The following ISL1 variants were observed in gnomAD, a reference collection of about 807,000 sequenced individuals.
The protein encoded by ISL1 is insulin gene enhancer protein ISL-1.
A neutral mutation model predicts 35.3 loss-of-function variants in ISL1; 4 were observed. That is an observed-to-expected ratio of 0.11 (90% confidence interval 0.06 to 0.26). The LOEUF is 0.26. Ranked by LOEUF, ISL1 falls within the 10% of genes least tolerant of loss-of-function variation. The probability of loss-of-function intolerance (pLI) is 1.00; values close to 1 mark genes in which losing one functional copy is unlikely to be tolerated. For missense variants in ISL1, 340 were observed against 472.8 expected (o/e 0.72, Z 2.60); for synonymous variants, 186 against 172.3 (o/e 1.08, Z -0.62).
chr5:51,389,940 G>T lies in ISL1; in HGVS notation c.765+8G>T, dbSNP rs1448739807. On this transcript the variant is annotated splice_region_variant and intron_variant, in intron 4 of 5. Transcript: ENST00000230658. The surrounding 1 kb of genome is among the most constrained non-coding windows in gnomAD (Gnocchi z 5.0). ...CAGCCCAATGACAAAACTGTGAGTGGCTCTGGGGCCGGGCAGGGAATGCGA... is the reference window on the plus strand; with the variant it reads ...CAGCCCAATGACAAAACTGTGAGTGTCTCTGGGGCCGGGCAGGGAATGCGA... The T allele has an allele frequency of 6.2e-7, 1 of 1,612,362 alleles. No homozygotes were observed. Among genetic ancestry groups the T allele is most frequent in the Non-Finnish European group, 8.5e-7 (1 of 1,178,710 alleles).
rs57707586 is a variant in ISL1, at chr5:51,390,642, C to CTTTTTTTTTTT, written c.766-604_766-594dup. On this transcript the variant is annotated intron_variant, in intron 4 of 5. Transcript: ENST00000230658. ...TCCTTTTTTTCTTTTCTTTCTTTTT[C>CTTTTTTTTTTT]TTTTTTTTTTTTTTTTTTTTTTTTT... Among the ~76,000 whole-genome samples, 50 of 40,148 alleles carry CTTTTTTTTTTT rather than the reference C, an allele frequency of 1.2e-3. 1 individual carries two copies. The highest frequency in any genetic ancestry group is 2.0e-3 in the African/African-American group (20 of 9,968). The allele number at this position is 40,148 out of a possible 152,430, so 26.3% of individuals were successfully genotyped here. A position where few individuals can be genotyped will look rare whatever the true frequency, so the allele number is the denominator to read the frequency against.
rs201718508 is a variant in ISL1, at chr5:51,393,598, T to C, written c.1038T>C (p.Pro346=). The C allele has an allele frequency of 9.4e-6, 15 of 1,588,916 alleles. No homozygotes were observed. Among genetic ancestry groups the C allele is most frequent in the Non-Finnish European group, 2.6e-6 (3 of 1,157,152 alleles). Residue 346 remains proline (P), a synonymous_variant, in exon 6 of 6, where the codon CCT becomes CCC. Transcript: ENST00000230658. The part of the protein sequence containing the change: ...PDTPNSMVAS[P]IEA ...CACCTAACAGCATGGTAGCCAGTCC[T>C]ATTGAGGCATGAGGAACATTCATTC...
At chr5:51,390,903 C>T (rs766845460) in intron 4 of ISL1, among the ~76,000 whole-genome samples, 5 of 151,540 alleles carry the variant, frequency 3.3e-5, no homozygotes, top group Non-Finnish European at 5.9e-5. Context: ...AGAAAACCAC[C>T]CTGTCTAGAG....
intron 2 of ISL1, among the ~76,000 whole-genome samples, chr5:51,385,509 T>C (rs1193346191): frequency 6.6e-6 from 1 of 152,164 alleles, no homozygotes; most frequent in Non-Finnish European, 1.5e-5. Flanking sequence ...AATGAGCGAA[T>C]TGTCCAAATT....
chr5:51,391,450 C>G lies in ISL1; in HGVS notation c.933+9C>G, dbSNP rs780254490. The stretch of plus-strand genomic sequence containing the variant: ...CTGCTTTTCAGCAACTGGTAAGTGT[C>G]AGCTCCCAGATGGAAGAGGCTGAAT... On this transcript the variant is annotated intron_variant, in intron 5 of 5. Transcript: ENST00000230658. The G allele has an allele frequency of 1.9e-6, 3 of 1,614,022 alleles. No homozygotes were observed. Among genetic ancestry groups the G allele is most frequent in the Non-Finnish European group, 2.5e-6 (3 of 1,179,952 alleles).
rs1747361520 is a variant in ISL1 at position 51,387,069 on chromosome 5, G to A, written c.219-421G>A. 6.6e-6 allele frequency among the ~76,000 whole-genome samples: 1 copy of A among 152,092 alleles called. No homozygotes were observed. Among genetic ancestry groups the A allele is most frequent in the Non-Finnish European group, 1.5e-5 (1 of 68,030 alleles). The stretch of plus-strand genomic sequence containing the variant: ...GGGAAGTGAAAGTGTTGGTGTCGGT[G>A]GCCACCAGAGTCTTTCTGGATTCCT... On this transcript the variant is annotated intron_variant, in intron 2 of 5. Transcript: ENST00000230658. This position sits in a 1 kb window ranked among gnomAD's most constrained non-coding sequence, Gnocchi z 4.3.
At position 51,393,537 on chromosome 5, in the gene ISL1, G is replaced by A. The variant is rs934058742; in HGVS notation, c.977G>A (p.Ser326Asn). The A allele has an allele frequency of 1.2e-5, 20 of 1,614,008 alleles. No individual in the cohort carries two copies. Among genetic ancestry groups the A allele is most frequent in the Non-Finnish European group, 1.7e-5 (20 of 1,179,884 alleles). The stretch of plus-strand genomic sequence containing the variant: ...GGACCGGGCTCTAATTCCACTGGCA[G>A]TGAAGTAGCATCAATGTCCTCTCAA... Reference protein sequence around the residue: ...EGGPGSNSTGSEVASMSSQLP... With the variant: ...EGGPGSNSTGNEVASMSSQLP... Residue 326 changes from serine (S) to asparagine (N), a missense_variant, in exon 6 of 6, where the codon AGT (serine) becomes AAT (asparagine). Transcript: ENST00000230658.
At position 51,383,625 on chromosome 5, in the gene ISL1, A is replaced by G. The variant is rs3917084; in HGVS notation, c.-47A>G. 42,640 of 1,514,394 alleles carry G rather than the reference A, an allele frequency of 0.028. 739 individuals are homozygous for G. The highest frequency in any genetic ancestry group is 0.034 in the Non-Finnish European group (36,990 of 1,089,180). The allele number at this position is 1,514,394 out of a possible 1,614,324, so 93.8% of individuals were successfully genotyped here. A position where few individuals can be genotyped will look rare whatever the true frequency, so the allele number is the denominator to read the frequency against. On this transcript the variant is annotated 5_prime_UTR_variant, in exon 1 of 6. Transcript: ENST00000230658. ...CATCCTCTCTGTGGGCTGTTCACCAACTGTACAACCACCATTTCACTGTGG... is the reference window on the plus strand; with the variant it reads ...CATCCTCTCTGTGGGCTGTTCACCAGCTGTACAACCACCATTTCACTGTGG...
rs1428073997 is a variant in ISL1 at position 51,389,230 on chromosome 5, T to C, written c.479-416T>C. On this transcript the variant is annotated intron_variant, in intron 3 of 5. Coordinates refer to ENST00000230658, the MANE Select transcript of ISL1 (RefSeq NM_002202.3). The surrounding 1 kb of genome is among the most constrained non-coding windows in gnomAD (Gnocchi z 5.0). ...TGGAGAGGGTGGTAATCAATGTAAC[T>C]GGGGCCCAGTCTGGGCACAAGGAAA... Among the ~76,000 whole-genome samples the C allele has an allele frequency of 6.6e-6, 1 of 151,962 alleles. No individual in the cohort carries two copies. The highest frequency in any genetic ancestry group is 1.5e-5 in the Non-Finnish European group (1 of 67,996).
rs1218961022 is a variant in ISL1 at position 51,393,877 on chromosome 5, A to G, written c.*267A>G. 4 of 482,690 alleles carry G rather than the reference A, an allele frequency of 8.3e-6. No homozygotes were observed. The highest frequency in any genetic ancestry group is 1.1e-5 in the Non-Finnish European group (3 of 267,690). The allele number at this position is 482,690 out of a possible 1,614,324, so 29.9% of individuals were successfully genotyped here. On this transcript the variant is annotated 3_prime_UTR_variant, in exon 6 of 6. Transcript: ENST00000230658. ...TCAATGATCTTAGAAGTACTGAAAAAAAAAGACGTTTTTAAAACGTAGAGG... is the reference window on the plus strand; with the variant it reads ...TCAATGATCTTAGAAGTACTGAAAAGAAAAGACGTTTTTAAAACGTAGAGG...
chr5:51,384,251 G>T lies in ISL1; in HGVS notation c.29-290G>T, dbSNP rs189683792. 1.5e-3 allele frequency among the ~76,000 whole-genome samples: 212 copies of T among 144,910 alleles called. 6 individuals carry two copies. Among genetic ancestry groups the T allele is most frequent in the African/African-American group, 5.3e-3 (210 of 39,344 alleles). ...GATTATAGCAAAGAGGAAGGGGGGG[G>T]GGAGAAATACAAAATGAGCGGGTTT... On this transcript the variant is annotated intron_variant, in intron 1 of 5. Coordinates refer to ENST00000230658, the MANE Select transcript of ISL1 (RefSeq NM_002202.3).
rs1747369107 is a variant in ISL1, at chr5:51,387,375, T to C, written c.219-115T>C. ...ACTTCTGTTTGGAAATGCTGTTTACTTGGGGCGTCTTGCCCGGGATCTTGG... is the reference window on the plus strand; with the variant it reads ...ACTTCTGTTTGGAAATGCTGTTTACCTGGGGCGTCTTGCCCGGGATCTTGG... On this transcript the variant is annotated intron_variant, in intron 2 of 5. Transcript: ENST00000230658. This position sits in a 1 kb window ranked among gnomAD's most constrained non-coding sequence, Gnocchi z 4.3. 3.3e-5 allele frequency: 36 copies of C among 1,103,286 alleles called. No homozygotes were observed. The South Asian group carries it at 4.6e-4, about 14-fold the overall frequency. 68.3% of individuals were successfully genotyped at this position (1,103,286 alleles called of 1,614,324 possible). A position where few individuals can be genotyped will look rare whatever the true frequency, so the allele number is the denominator to read the frequency against.
Position 51,387,499 on chromosome 5 carries a change from G to C in ISL1, c.228G>C (p.Gly76=). 2 of 1,614,066 alleles carry C rather than the reference G, an allele frequency of 1.2e-6. No homozygotes were observed. Among genetic ancestry groups the C allele is most frequent in the Non-Finnish European group, 1.7e-6 (2 of 1,179,984 alleles). Residue 76 remains glycine, a synonymous_variant, in exon 3 of 6, where the codon GGG becomes GGC. Transcript: ENST00000230658. This position sits in a 1 kb window ranked among gnomAD's most constrained non-coding sequence, Gnocchi z 4.3. ...CCCCTCCCCCGCACAGGTTGTACGG[G>C]ATCAAATGCGCCAAGTGCAGCATCG... ...YCKRDYIRLY[G]IKCAKCSIGF... is the part of the protein sequence containing the mutation.
chr5:51,387,831 A>C lies in ISL1; in HGVS notation c.478+82A>C. The C allele has an allele frequency of 6.4e-7, 1 of 1,555,244 alleles. No individual in the cohort carries two copies. Among genetic ancestry groups the C allele is most frequent in the South Asian group, 1.1e-5 (1 of 87,642 alleles). On this transcript the variant is annotated intron_variant, in intron 3 of 5. Coordinates refer to ENST00000230658, the MANE Select transcript of ISL1 (RefSeq NM_002202.3). This position sits in a 1 kb window ranked among gnomAD's most constrained non-coding sequence, Gnocchi z 4.3. The stretch of plus-strand genomic sequence containing the variant: ...AGCGGCCACAACAACTATGGTAGCT[A>C]CAGGGGTGGTCGTAGTGTTTGCCTG...
Position 51,393,520 on chromosome 5 carries a change from C to T in ISL1, c.960C>T (p.Gly320=). The T allele has an allele frequency of 6.2e-7, 1 of 1,613,396 alleles. No homozygotes were observed. Among genetic ancestry groups the T allele is most frequent in the Non-Finnish European group, 8.5e-7 (1 of 1,179,324 alleles). ...QLVNFSEGGP[G]SNSTGSEVAS... is the part of the protein sequence containing the mutation. ...TCAATTTTTCAGAAGGAGGACCGGG[C>T]TCTAATTCCACTGGCAGTGAAGTAG... The change falls in exon 6 of 6, where the codon GGC becomes GGT. Residue 320 remains glycine (G), a synonymous_variant. Coordinates refer to ENST00000230658, the MANE Select transcript of ISL1 (RefSeq NM_002202.3).
chr5:51,388,025 C>T (rs1747392450), intron 3 of ISL1, among the ~76,000 whole-genome samples: 2 of 152,234 alleles, frequency 1.3e-5, no homozygotes, highest in Admixed American at 1.3e-4. Flanking sequence ...TGTATACACA[C>T]GCCCAAACAT....
In ISL1 at chr5:51,389,973, G is replaced by A. The variant is rs772084927; in HGVS notation, c.765+41G>A. 4 of 1,604,564 alleles carry A rather than the reference G, an allele frequency of 2.5e-6. No individual in the cohort carries two copies. Among genetic ancestry groups the A allele is most frequent in the Middle Eastern group, 1.7e-4 (1 of 6,036 alleles). On this transcript the variant is annotated intron_variant, in intron 4 of 5. Transcript: ENST00000230658. This position sits in a 1 kb window ranked among gnomAD's most constrained non-coding sequence, Gnocchi z 5.0. ...GCCGGGCAGGGAATGCGAGGGGGAA[G>A]GAGACGCAGCGTGCGAGGTGCGTTC...
rs1213519982 is a variant in ISL1, at chr5:51,394,576, A to G, written c.*966A>G. The G allele has an allele frequency of 5.2e-5, 8 of 152,616 alleles. No homozygotes were observed. Among genetic ancestry groups the G allele is most frequent in the Non-Finnish European group, 8.8e-5 (6 of 68,036 alleles). 9.5% of individuals were successfully genotyped at this position (152,616 alleles called of 1,614,324 possible). A position where few individuals can be genotyped will look rare whatever the true frequency, so the allele number is the denominator to read the frequency against. On this transcript the variant is annotated 3_prime_UTR_variant, in exon 6 of 6. Coordinates refer to ENST00000230658, the MANE Select transcript of ISL1 (RefSeq NM_002202.3). The stretch of plus-strand genomic sequence containing the variant: ...TTTTTGTTTGCTGAAGTGAAAAAAA[A>G]AGATAAAGGTTGTACGGTGGTCTTT...
In ISL1 at chr5:51,383,608, C is replaced by A; in HGVS notation, c.-64C>A. The A allele has an allele frequency of 7.5e-7, 1 of 1,334,510 alleles. No individual in the cohort carries two copies. Among genetic ancestry groups the A allele is most frequent in the Non-Finnish European group, 1.1e-6 (1 of 924,554 alleles). The allele number at this position is 1,334,510 out of a possible 1,614,324, so 82.7% of individuals were successfully genotyped here. On this transcript the variant is annotated 5_prime_UTR_variant, in exon 1 of 6. It adds an upstream start codon to the 5' untranslated region. Transcript: ENST00000230658. ...CTTAGCCACAGCTCCAGCATCCTCT[C>A]TGTGGGCTGTTCACCAACTGTACAA...
Sources: allele counts gnomAD v4.1 joint callset (sites outside exome capture counted in the v4.1 genomes callset), GRCh38; gene constraint gnomAD v4.1.1; non-coding constraint Gnocchi (gnomAD v3.1); transcripts MANE v1.5; gene names NCBI Gene and HGNC (gene_info 2026-07-23, HGNC 2026-07-21).